Variants in SCML4 observed in about 807,000 individuals in gnomAD.
The protein encoded by SCML4 is Scm polycomb group protein like 4, also known as sex comb on midleg-like protein 4.
In SCML4, 34 loss-of-function variants were observed where a neutral mutation model predicts 41.1. The ratio of observed to expected loss-of-function variants is 0.83; its 90% CI spans 0.63 to 1.10. SCML4 has a LOEUF of 1.10. SCML4 is among the 50% of genes least tolerant of loss of function. The pLI, the probability that SCML4 is intolerant of heterozygous loss-of-function variation, is 0.00. For synonymous variants in SCML4, 214 were observed against 220.9 expected, an observed-to-expected ratio of 0.97 and a Z score of 0.28; for missense variants, 522 against 534.1, an observed-to-expected ratio of 0.98 and a Z score of 0.22.
At chr6:107,836,228 A>G in the SCML4 span, among the ~76,000 whole-genome samples, 5 of 152,186 alleles carry the variant, frequency 3.3e-5, no homozygotes, top group Non-Finnish European at 5.9e-5. Context: ...GCTGTTTCGA[A>G]AAAGAGTTCT....
intron 1 of SCML4, among the ~76,000 whole-genome samples, chr6:107,813,370 T>TTATTTA (rs1784310778): frequency 4.7e-5 from 2 of 42,472 alleles, no homozygotes; most frequent in Non-Finnish European, 7.8e-5. Context: ...CTCAAAAAAA[T>TTATTTA]TATATATATA....
rs1441250702 is a variant in SCML4 at position 107,704,667 on chromosome 6, C to G, written c.*533G>C. ...AAAGATTTTTTTTTTTTTCCTTTTT[C>G]TTTCACGGCGTAAAATAATTCAAGT... On this transcript the variant is annotated 3_prime_UTR_variant, in exon 8 of 8. Transcript: ENST00000369020. 1 of 149,420 alleles carries G rather than the reference C, an allele frequency of 6.7e-6. No individual in the cohort carries two copies. Among genetic ancestry groups the G allele is most frequent in the East Asian group, 2.0e-4 (1 of 5,110 alleles). The allele number at this position is 149,420 out of a possible 1,614,324, so 9.3% of individuals were successfully genotyped here. A position where few individuals can be genotyped will look rare whatever the true frequency, so the allele number is the denominator to read the frequency against.
rs868820754 is a variant in SCML4 at position 107,745,258 on chromosome 6, A to G, written c.488-115T>C. On this transcript the variant is annotated intron_variant, in intron 4 of 7. Transcript: ENST00000369020. Reference sequence around the variant, plus strand: ...TTTTTGTTTTGTTGCTAAGCAGACTATATTTGGATTTCACCTGTTTGTTCA... The same window carrying G: ...TTTTTGTTTTGTTGCTAAGCAGACTGTATTTGGATTTCACCTGTTTGTTCA... 1.8e-5 allele frequency: 13 copies of G among 739,678 alleles called. No homozygotes were observed. In the Middle Eastern group the frequency reaches 3.0e-3, roughly 171 times the overall value. 45.8% of individuals were successfully genotyped at this position (739,678 alleles called of 1,614,324 possible).
At position 107,746,846 on chromosome 6, in the gene SCML4, C is replaced by T. The variant is rs940697403; in HGVS notation, c.330G>A (p.Leu110=). ...GGAGCTGCTGCACCTTCTTCCTCTC[C>T]AGATAGGGCCCCGCATTGGCCTGCT... The part of the protein sequence containing the change: ...INKQANAGPY[L]ERKKVQQLPE... The change falls in exon 4 of 8, where the codon CTG becomes CTA. Residue 110 remains leucine, a synonymous_variant. Transcript: ENST00000369020. 6.2e-7 allele frequency: 1 copy of T among 1,614,080 alleles called. No homozygotes were observed.
chr6:107,779,479 C>T (rs1008697026), intron 1 of SCML4, among the ~76,000 whole-genome samples: 1 of 152,090 alleles, frequency 6.6e-6, no homozygotes, highest in Non-Finnish European at 1.5e-5. Context: ...GGTAAGCCAG[C>T]CCAACTGGAA....
At chr6:107,776,738 A>G (rs1165599904) in intron 1 of SCML4, among the ~76,000 whole-genome samples, 1 of 152,224 alleles carries the variant, frequency 6.6e-6, no homozygotes, top group African/African-American at 2.4e-5. Flanking sequence ...TCCTAAAAAA[A>G]GAATCTGACA....
intron 7 of SCML4, among the ~76,000 whole-genome samples, chr6:107,707,013 T>G (rs1440596375): frequency 6.6e-6 from 1 of 152,060 alleles, no homozygotes; most frequent in East Asian, 1.9e-4. Flanking sequence ...GGCAACTACG[T>G]TGGTGGTAAT....
At position 107,703,213 on chromosome 6, in the gene SCML4, C is replaced by T. The variant is rs1773317571; in HGVS notation, c.*1987G>A. 6.6e-6 allele frequency among the ~76,000 whole-genome samples: 1 copy of T among 152,180 alleles called. No homozygotes were observed. The highest frequency in any genetic ancestry group is 2.1e-4 in the South Asian group (1 of 4,832). ...CTATGGGGTAGCCATTCTTTCCTTC[C>T]TTTACTTTCTTAATAAACTTGCTTT... is the stretch of plus-strand genomic sequence containing the variant. On this transcript the variant is annotated 3_prime_UTR_variant, in exon 8 of 8. Coordinates refer to ENST00000369020, the MANE Select transcript of SCML4 (RefSeq NM_198081.5).
chr6:107,843,897 G>A, the SCML4 span, among the ~76,000 whole-genome samples: 55 of 151,708 alleles, frequency 3.6e-4, no homozygotes, highest in African/African-American at 1.3e-3. Flanking sequence ...CCAGCTTTGG[G>A]AAAATGCACT....
intron 1 of SCML4, among the ~76,000 whole-genome samples, chr6:107,786,120 T>C (rs1404356982): frequency 6.6e-6 from 1 of 152,212 alleles, no homozygotes; most frequent in East Asian, 1.9e-4. Flanking sequence ...GAAAGTCTTC[T>C]GGAATAATGA....
chr6:107,815,444 T>A (rs1271229868), intron 1 of SCML4, among the ~76,000 whole-genome samples: 1 of 152,262 alleles, frequency 6.6e-6, no homozygotes, highest in Non-Finnish European at 1.5e-5. Context: ...ACTTTACACT[T>A]TATTTTCCAG....
intron 1 of SCML4, among the ~76,000 whole-genome samples, chr6:107,816,287 G>C (rs1476873265): frequency 6.6e-6 from 1 of 152,182 alleles, no homozygotes; most frequent in Non-Finnish European, 1.5e-5. Flanking sequence ...ATGCTCAATT[G>C]ATGCAAATGT....
chr6:107,825,908 G>A (rs1233687112), upstream of SCML4, among the ~76,000 whole-genome samples: 2 of 124,644 alleles, frequency 1.6e-5, no homozygotes, highest in Non-Finnish European at 3.2e-5. Context: ...CTGCACTCCA[G>A]CCTGGGTGAC....
chr6:107,721,763 CCCACA>C (rs1355691269), intron 5 of SCML4, among the ~76,000 whole-genome samples: 1 of 152,080 alleles, frequency 6.6e-6, no homozygotes, highest in African/African-American at 2.4e-5. Context: ...GTGCTTTCTC[CCCACA>C]CCTTTAGTCC....
the SCML4 span, among the ~76,000 whole-genome samples, chr6:107,832,097 G>A: frequency 2.6e-5 from 4 of 151,246 alleles, no homozygotes; most frequent in Non-Finnish European, 4.4e-5. Context: ...AAATTAGCCC[G>A]GGGTGGTGGT....
chr6:107,740,106 C>T, intron 5 of SCML4: 1 of 470,894 alleles, frequency 2.1e-6, no homozygotes, highest in South Asian at 1.5e-5. Context: ...GGGAGGAAAA[C>T]CAGCTTTCAG....
chr6:107,725,090 A>G (rs1775828604), intron 5 of SCML4, among the ~76,000 whole-genome samples: 1 of 152,220 alleles, frequency 6.6e-6, no homozygotes, highest in Non-Finnish European at 1.5e-5. Context: ...TTACAAATAT[A>G]TGGTTTTATA....
At chr6:107,787,292 C>G (rs1431253303) in intron 1 of SCML4, among the ~76,000 whole-genome samples, 9 of 152,152 alleles carry the variant, frequency 5.9e-5, no homozygotes, top group Admixed American at 2.0e-4. Context: ...CAGAGCTGAT[C>G]CGAATTTTTT....
chr6:107,746,713 C>T lies in SCML4; in HGVS notation c.463G>A (p.Gly155Ser), dbSNP rs536132560. The change falls in exon 4 of 8, where the codon GGC becomes AGC. Residue 155 changes from glycine (G) to serine (S), a missense_variant. Transcript: ENST00000369020. ...CCTGACACCATCTCACCACCATAGC[C>T]CTGCTTGACCAGGGAGAAGACCAGC... ...QKLVFSLVKQ[G>S]YGGEMVSVSA... 65 of 1,614,120 alleles carry T rather than the reference C, an allele frequency of 4.0e-5. No individual in the cohort carries two copies. The African/African-American group carries it at 4.7e-4, about 12-fold the overall frequency.
Sources: allele counts gnomAD v4.1 joint callset (sites outside exome capture counted in the v4.1 genomes callset), GRCh38; gene constraint gnomAD v4.1.1; transcripts MANE v1.5; gene names NCBI Gene and HGNC (gene_info 2026-07-23, HGNC 2026-07-21).